The following MFSD6 variants were observed in gnomAD, a reference collection of about 807,000 sequenced individuals.
MFSD6 encodes the protein major facilitator superfamily domain containing 6, also known as major facilitator superfamily domain-containing protein 6.
A neutral mutation model predicts 56.3 loss-of-function variants in MFSD6; 26 were observed. The observed-to-expected ratio is 0.46, with a 90% CI of 0.34 to 0.64. The LOEUF (loss-of-function observed/expected upper bound fraction) is 0.64. Ranked by LOEUF, MFSD6 falls within the 30% of genes least tolerant of loss-of-function variation. MFSD6 has a pLI of 0.01. For missense variants in MFSD6, 750 were observed against 986.2 expected (o/e 0.76, Z 3.21); for synonymous variants, 331 against 366.9 (o/e 0.90, Z 1.12).
rs148580810 is a variant in MFSD6 at position 190,437,618 on chromosome 2, T to G, written c.1532+57T>G. 2 of 1,535,406 alleles carry G rather than the reference T, an allele frequency of 1.3e-6. No homozygotes were observed. The highest frequency in any genetic ancestry group is 1.4e-5 in the African/African-American group (1 of 72,350). Reference sequence around the variant, plus strand: ...GCAATTGAACTTTATCTTTTTATGGTTTATAGCTCCTTCTACTACAATTTT... The same window carrying G: ...GCAATTGAACTTTATCTTTTTATGGGTTATAGCTCCTTCTACTACAATTTT... On this transcript the variant is annotated intron_variant, in intron 3 of 7. Coordinates refer to ENST00000392328, the MANE Select transcript of MFSD6 (RefSeq NM_017694.4). This position sits in a 1 kb window ranked among gnomAD's most constrained non-coding sequence, Gnocchi z 5.9.
rs1382826156 is a variant in MFSD6, at chr2:190,425,708, C to T, written c.-53-10269C>T. Among the ~76,000 whole-genome samples, 5 of 152,118 alleles carry T rather than the reference C, an allele frequency of 3.3e-5. No homozygotes were observed. Among genetic ancestry groups the T allele is most frequent in the African/African-American group, 1.2e-4 (5 of 41,410 alleles). The stretch of plus-strand genomic sequence containing the variant: ...ATTTTTGGAATCAACCACACTTTGT[C>T]ATGTTGTATAATTCTTTTTATATGT... On this transcript the variant is annotated intron_variant, in intron 2 of 7. Transcript: ENST00000392328. The surrounding 1 kb of genome is among the most constrained non-coding windows in gnomAD (Gnocchi z 4.3).
rs1021704375 is a variant in MFSD6 at position 190,431,574 on chromosome 2, G to A, written c.-53-4403G>A. Among the ~76,000 whole-genome samples the A allele has an allele frequency of 5.3e-5, 8 of 152,188 alleles. No individual in the cohort carries two copies. The highest frequency in any genetic ancestry group is 1.4e-4 in the African/African-American group (6 of 41,442). ...ACGAAAACCAGTCAGGTGTGGCGGC[G>A]CGCGCCTGCAATCGCAGGCACTTGG... On this transcript the variant is annotated intron_variant, in intron 2 of 7. Coordinates refer to ENST00000392328, the MANE Select transcript of MFSD6 (RefSeq NM_017694.4). The surrounding 1 kb of genome is among the most constrained non-coding windows in gnomAD (Gnocchi z 4.4).
At chr2:190,481,567 G>A (rs13386210) in intron 4 of MFSD6, among the ~76,000 whole-genome samples, 22,438 of 152,188 alleles carry the variant, frequency 0.15, 1,868 homozygotes, top group Middle Eastern at 0.22. Context: ...CTCAGTCTGC[G>A]TCCCCTTTAG....
At position 190,500,009 on chromosome 2, in the gene MFSD6, C is replaced by A; in HGVS notation, c.2173-6C>A. On this transcript the variant is annotated splice_region_variant and splice_polypyrimidine_tract_variant and intron_variant, in intron 7 of 7. Transcript: ENST00000392328. The surrounding 1 kb of genome is among the most constrained non-coding windows in gnomAD (Gnocchi z 5.3). The stretch of plus-strand genomic sequence containing the variant: ...TCATGGGGCATCTCCTGTTTTTTAC[C>A]TCCAGGGGACCAATGAGAATAGGGA... The A allele has an allele frequency of 6.2e-7, 1 of 1,614,068 alleles. No homozygotes were observed. The highest frequency in any genetic ancestry group is 1.1e-5 in the South Asian group (1 of 91,076).
intron 1 of MFSD6, among the ~76,000 whole-genome samples, chr2:190,409,758 A>G (rs1394691493): frequency 6.6e-6 from 1 of 152,196 alleles, no homozygotes; most frequent in Non-Finnish European, 1.5e-5. Flanking sequence ...TAGCCTTGTT[A>G]AGTAAAAGGA....
In MFSD6 at chr2:190,456,339, G is replaced by C. The variant is rs143454941; in HGVS notation, c.1533-13419G>C. On this transcript the variant is annotated intron_variant, in intron 3 of 7. Transcript: ENST00000392328. This position sits in a 1 kb window ranked among gnomAD's most constrained non-coding sequence, Gnocchi z 5.4. Reference sequence around the variant, plus strand: ...GTGAGTGGGAACTGCATTGACTTCAGTCTGAGTGCTAGTGAATGTTCAGGA... The same window carrying C: ...GTGAGTGGGAACTGCATTGACTTCACTCTGAGTGCTAGTGAATGTTCAGGA... Among the ~76,000 whole-genome samples, 6 of 152,316 alleles carry C rather than the reference G, an allele frequency of 3.9e-5. No homozygotes were observed. Among genetic ancestry groups the C allele is most frequent in the Non-Finnish European group, 5.9e-5 (4 of 68,032 alleles).
Position 190,438,987 on chromosome 2 carries a change from G to A in MFSD6, c.1532+1426G>A, listed in dbSNP as rs114964647. 0.039 allele frequency among the ~76,000 whole-genome samples: 5,878 copies of A among 152,020 alleles called. 186 individuals are homozygous for A. Among genetic ancestry groups the A allele is most frequent in the Non-Finnish European group, 0.054 (3,645 of 67,992 alleles). The stretch of plus-strand genomic sequence containing the variant: ...CCTTTGTTGTCACCACCAAAGTCAG[G>A]GACTGTGTGGATATTTCCTGGACCC... On this transcript the variant is annotated intron_variant, in intron 3 of 7. Transcript: ENST00000392328. This position sits in a 1 kb window ranked among gnomAD's most constrained non-coding sequence, Gnocchi z 5.2.
At chr2:190,483,784 G>A (rs1688843004) in intron 4 of MFSD6, among the ~76,000 whole-genome samples, 1 of 139,326 alleles carries the variant, frequency 7.2e-6, no homozygotes, top group Admixed American at 8.3e-5. Flanking sequence ...GCGGTGAGCC[G>A]AGATCACGCC....
At position 190,496,650 on chromosome 2, in the gene MFSD6, ATGTGTATATG is replaced by A. The variant is rs1410931407; in HGVS notation, c.1892-783_1892-774del. On this transcript the variant is annotated intron_variant, in intron 6 of 7. Coordinates refer to ENST00000392328, the MANE Select transcript of MFSD6 (RefSeq NM_017694.4). This position sits in a 1 kb window ranked among gnomAD's most constrained non-coding sequence, Gnocchi z 4.7. Reference sequence around the variant, plus strand: ...TGTATATGTGTGTATATATATGTATATGTGTATATGTGTGTGTATGTGTGTGTGTATATAC... The same window carrying A: ...TGTATATGTGTGTATATATATGTATATGTGTGTATGTGTGTGTGTATATAC... 6.6e-6 allele frequency among the ~76,000 whole-genome samples: 1 copy of A among 151,352 alleles called. No individual in the cohort carries two copies. The highest frequency in any genetic ancestry group is 1.5e-5 in the Non-Finnish European group (1 of 67,930).
chr2:190,431,258 G>C lies in MFSD6; in HGVS notation c.-53-4719G>C, dbSNP rs909523996. The stretch of plus-strand genomic sequence containing the variant: ...GCAGAGGGGCTCCTCACCTCCCAGA[G>C]GATGGGCGGCCAGGCAGAGACGCTC... On this transcript the variant is annotated intron_variant, in intron 2 of 7. Transcript: ENST00000392328. The surrounding 1 kb of genome is among the most constrained non-coding windows in gnomAD (Gnocchi z 4.4). Among the ~76,000 whole-genome samples the C allele has an allele frequency of 3.2e-4, 49 of 151,706 alleles. No homozygotes were observed. The highest frequency in any genetic ancestry group is 4.9e-4 in the Non-Finnish European group (33 of 67,914).
chr2:190,431,841 T>C lies in MFSD6; in HGVS notation c.-53-4136T>C, dbSNP rs926781516. ...TTTTTCATTTATGCTATAATACTTA[T>C]AAATTCCAGAGCTTTTTATTCAAGT... is the stretch of plus-strand genomic sequence containing the variant. On this transcript the variant is annotated intron_variant, in intron 2 of 7. Coordinates refer to ENST00000392328, the MANE Select transcript of MFSD6 (RefSeq NM_017694.4). The surrounding 1 kb of genome is among the most constrained non-coding windows in gnomAD (Gnocchi z 4.4). Among the ~76,000 whole-genome samples the C allele has an allele frequency of 2.0e-5, 3 of 152,262 alleles. No individual in the cohort carries two copies. Among genetic ancestry groups the C allele is most frequent in the African/African-American group, 4.8e-5 (2 of 41,466 alleles).
In MFSD6 at chr2:190,471,554, C is replaced by T. The variant is rs1035203294; in HGVS notation, c.1630+1699C>T. On this transcript the variant is annotated intron_variant, in intron 4 of 7. Transcript: ENST00000392328. The surrounding 1 kb of genome is among the most constrained non-coding windows in gnomAD (Gnocchi z 4.7). ...AGTGAGGCTGGGGGAGGGGCACCCG[C>T]CATTGCTGAGGCTTGAGTAGGTAAA... is the stretch of plus-strand genomic sequence containing the variant. 2.0e-5 allele frequency among the ~76,000 whole-genome samples: 3 copies of T among 152,196 alleles called. No individual in the cohort carries two copies. Among genetic ancestry groups the T allele is most frequent in the African/African-American group, 7.2e-5 (3 of 41,456 alleles).
Position 190,413,026 on chromosome 2 carries a change from T to A in MFSD6, c.-175-2266T>A, listed in dbSNP as rs1249137274. On this transcript the variant is annotated intron_variant, in intron 1 of 7. Transcript: ENST00000392328. This position sits in a 1 kb window ranked among gnomAD's most constrained non-coding sequence, Gnocchi z 4.1. Reference sequence around the variant, plus strand: ...CCTAAACCTTGAGCCTATATGTTAATATGTGTCTGCTATAGTTACTGGTTG... The same window carrying A: ...CCTAAACCTTGAGCCTATATGTTAAAATGTGTCTGCTATAGTTACTGGTTG... 2.0e-5 allele frequency among the ~76,000 whole-genome samples: 3 copies of A among 152,310 alleles called. No individual in the cohort carries two copies. Among genetic ancestry groups the A allele is most frequent in the Middle Eastern group, 3.4e-3 (1 of 294 alleles).
In MFSD6 at chr2:190,436,038, T is replaced by C; in HGVS notation, c.9T>C (p.Asp3=). The change falls in exon 3 of 8, where the codon GAT becomes GAC. Residue 3 remains aspartate, a synonymous_variant. Coordinates refer to ENST00000392328, the MANE Select transcript of MFSD6 (RefSeq NM_017694.4). The surrounding 1 kb of genome is among the most constrained non-coding windows in gnomAD (Gnocchi z 5.3). ...GATGGTGGTGGTAAGCCATGGCAGATGATAAAGTTGCTATCTTAACGGATG... is the reference window on the plus strand; with the variant it reads ...GATGGTGGTGGTAAGCCATGGCAGACGATAAAGTTGCTATCTTAACGGATG... MA[D]DKVAILTDDE... 2 of 1,609,386 alleles carry C rather than the reference T, an allele frequency of 1.2e-6. No individual in the cohort carries two copies. Among genetic ancestry groups the C allele is most frequent in the Non-Finnish European group, 1.7e-6 (2 of 1,176,436 alleles).
chr2:190,478,369 T>A (rs1208667160), intron 4 of MFSD6, among the ~76,000 whole-genome samples: 3 of 152,114 alleles, frequency 2.0e-5, no homozygotes, highest in African/African-American at 7.2e-5. Context: ...GTGCTGAGTA[T>A]TTTGACTGCA....
chr2:190,442,646 G>A (rs1299371931), intron 3 of MFSD6: 1 of 152,192 alleles, frequency 6.6e-6, no homozygotes, highest in Non-Finnish European at 1.5e-5. Context: ...GGATGTGGAA[G>A]TGAGGTAGAG....
chr2:190,485,535 G>T lies in MFSD6; in HGVS notation c.1631-3122G>T, dbSNP rs1423863206. Among the ~76,000 whole-genome samples the T allele has an allele frequency of 1.3e-5, 2 of 151,684 alleles. No individual in the cohort carries two copies. Among genetic ancestry groups the T allele is most frequent in the Non-Finnish European group, 2.9e-5 (2 of 67,944 alleles). Reference sequence around the variant, plus strand: ...ATTTTTGAGTTTTTCCCCCAGTGTGGTTAATGAAAAAAAATCTGCATATGT... The same window carrying T: ...ATTTTTGAGTTTTTCCCCCAGTGTGTTTAATGAAAAAAAATCTGCATATGT... On this transcript the variant is annotated intron_variant, in intron 4 of 7. Transcript: ENST00000392328. This position sits in a 1 kb window ranked among gnomAD's most constrained non-coding sequence, Gnocchi z 5.1.
Position 190,439,485 on chromosome 2 carries a change from C to T in MFSD6, c.1532+1924C>T, listed in dbSNP as rs1686296772. On this transcript the variant is annotated intron_variant, in intron 3 of 7. Transcript: ENST00000392328. This position sits in a 1 kb window ranked among gnomAD's most constrained non-coding sequence, Gnocchi z 5.8. ...GGAATTGTTAGGTTATTTCCACATG[C>T]TAAGAAAAGATGGTTCTCTTCTACC... 2.0e-5 allele frequency among the ~76,000 whole-genome samples: 3 copies of T among 152,058 alleles called. No individual in the cohort carries two copies. In the South Asian group the frequency reaches 6.2e-4, roughly 32 times the overall value.
rs1687172224 is a variant in MFSD6, at chr2:190,458,765, T to C, written c.1533-10993T>C. ...GTAAAATGGGGACTGTATTGTCCAATTGAGAAGTCCAGCAAATGACCAGAG... is the reference window on the plus strand; with the variant it reads ...GTAAAATGGGGACTGTATTGTCCAACTGAGAAGTCCAGCAAATGACCAGAG... On this transcript the variant is annotated intron_variant, in intron 3 of 7. Transcript: ENST00000392328. This position sits in a 1 kb window ranked among gnomAD's most constrained non-coding sequence, Gnocchi z 5.3. 6.6e-6 allele frequency among the ~76,000 whole-genome samples: 1 copy of C among 152,194 alleles called. No individual in the cohort carries two copies. Among genetic ancestry groups the C allele is most frequent in the South Asian group, 2.1e-4 (1 of 4,830 alleles).
Sources: allele counts gnomAD v4.1 joint callset (sites outside exome capture counted in the v4.1 genomes callset), GRCh38; gene constraint gnomAD v4.1.1; non-coding constraint Gnocchi (gnomAD v3.1); transcripts MANE v1.5; gene names NCBI Gene and HGNC (gene_info 2026-07-23, HGNC 2026-07-21).